The following OR2G6 variants were observed in gnomAD, a reference collection of about 807,000 sequenced individuals.
The protein encoded by OR2G6 is olfactory receptor 2G6.
For missense variants in OR2G6, 457 were observed against 391.3 expected, an observed-to-expected ratio of 1.17 and a Z score of -1.42; for synonymous variants, 183 against 155.2, an observed-to-expected ratio of 1.18 and a Z score of -1.33.
rs1664295515 is a variant in OR2G6 at position 248,521,903 on chromosome 1, A to C, written c.257A>C (p.Asn86Thr). The C allele has an allele frequency of 1.2e-6, 2 of 1,614,122 alleles. No homozygotes were observed. Among genetic ancestry groups the C allele is most frequent in the Non-Finnish European group, 1.7e-6 (2 of 1,180,030 alleles). The change falls in exon 2 of 2, where the codon AAT becomes ACT. Residue 86 changes from asparagine (N) to threonine (T), a missense_variant. Asn to Thr is a moderately conservative substitution (Grantham distance 65). Coordinates refer to ENST00000641804, the MANE Select transcript of OR2G6 (RefSeq NM_001013355.2). ...GCCCCACAGTTGCTGGTTACCATGA[A>C]TAAGAAAGACAAAACCATGAGCTAC... ...SVAPQLLVTM[N>T]KKDKTMSYGG... is the part of the protein sequence containing the mutation.
chr1:248,520,402 C>T (rs927296595), intron 1 of OR2G6, among the ~76,000 whole-genome samples: 1 of 151,726 alleles, frequency 6.6e-6, no homozygotes, highest in Non-Finnish European at 1.5e-5. Context: ...TGCACATGTA[C>T]CCTAGAACTT....
rs1664348017 is a variant in OR2G6 at position 248,524,046 on chromosome 1, TGCCTCA to T, written c.*1454_*1459del. ...ACCTCCTGGGTTTAAGTGATCCCTC[TGCCTCA>T]GCCTTCCAACATTCAGATTTATAAT... On this transcript the variant is annotated 3_prime_UTR_variant, in exon 2 of 2. Coordinates refer to ENST00000641804, the MANE Select transcript of OR2G6 (RefSeq NM_001013355.2). 1 of 152,264 alleles carries T rather than the reference TGCCTCA, an allele frequency of 6.6e-6. No individual in the cohort carries two copies. Among genetic ancestry groups the T allele is most frequent in the African/African-American group, 2.4e-5 (1 of 41,458 alleles). The allele number at this position is 152,264 out of a possible 1,614,324, so 9.4% of individuals were successfully genotyped here. A position where few individuals can be genotyped will look rare whatever the true frequency, so the allele number is the denominator to read the frequency against.
At chr1:248,508,911 G>T (rs1182500303) in intron 1 of OR2G6, among the ~76,000 whole-genome samples, 1 of 128,614 alleles carries the variant, frequency 7.8e-6, no homozygotes, top group African/African-American at 3.3e-5. Flanking sequence ...ACATTATACT[G>T]TAGAGAAGAC....
chr1:248,520,621 C>A (rs1664262965), intron 1 of OR2G6, among the ~76,000 whole-genome samples: 1 of 152,046 alleles, frequency 6.6e-6, no homozygotes, highest in East Asian at 1.9e-4. Flanking sequence ...GCCTGTAACC[C>A]CAGCACTTTG....
chr1:248,524,680 T>C lies in OR2G6; in HGVS notation c.*2083T>C, dbSNP rs1450586379. ...AACACAATATGTAGAAAAACCTACA[T>C]ATGAATTGTGAAGCAACCATTTTCA... On this transcript the variant is annotated 3_prime_UTR_variant, in exon 2 of 2. Coordinates refer to ENST00000641804, the MANE Select transcript of OR2G6 (RefSeq NM_001013355.2). The C allele has an allele frequency of 2.0e-5, 3 of 152,220 alleles. No homozygotes were observed. The highest frequency in any genetic ancestry group is 4.4e-5 in the Non-Finnish European group (3 of 68,044). The allele number at this position is 152,220 out of a possible 1,614,324, so 9.4% of individuals were successfully genotyped here.
Position 248,526,988 on chromosome 1 carries a change from T to C in OR2G6, c.*4391T>C, listed in dbSNP as rs1383396755. On this transcript the variant is annotated 3_prime_UTR_variant, in exon 2 of 2. Transcript: ENST00000641804. ...TTTCTTTTGCTGTGCAGAAGCTCTT[T>C]AGTTTAATTAGATCCCATTTGTCAA... is the stretch of plus-strand genomic sequence containing the variant. 6.6e-6 allele frequency: 1 copy of C among 152,146 alleles called. No homozygotes were observed. Among genetic ancestry groups the C allele is most frequent in the Non-Finnish European group, 1.5e-5 (1 of 68,012 alleles). 9.4% of individuals were successfully genotyped at this position (152,146 alleles called of 1,614,324 possible).
Position 248,522,326 on chromosome 1 carries a change from G to C in OR2G6, c.680G>C (p.Arg227Thr). ...GGCTTTATCACTCAAGCTGTGTTAA[G>C]GATAAAATCAGCTGCGGGCCGCCAA... Reference protein sequence around the residue: ...SYGFITQAVLRIKSAAGRQKA... With the variant: ...SYGFITQAVLTIKSAAGRQKA... The change falls in exon 2 of 2, where the codon AGG becomes ACG. Residue 227 changes from arginine (R) to threonine (T), a missense_variant. Physicochemically the swap from Arg to Thr is moderately conservative, Grantham distance 71. Transcript: ENST00000641804. 1.2e-6 allele frequency: 2 copies of C among 1,614,172 alleles called. No homozygotes were observed. Among genetic ancestry groups the C allele is most frequent in the African/African-American group, 1.3e-5 (1 of 75,036 alleles).
chr1:248,523,099 A>ACG lies in OR2G6; in HGVS notation c.*502_*503insCG. The stretch of plus-strand genomic sequence containing the variant: ...TAACTGTTTCATAATATGTTTCCAT[A>ACG]GCACTTGATCCACACTACCATTTCT... On this transcript the variant is annotated 3_prime_UTR_variant, in exon 2 of 2. Transcript: ENST00000641804. 11 of 156,262 alleles carry ACG rather than the reference A, an allele frequency of 7.0e-5. No homozygotes were observed. The highest frequency in any genetic ancestry group is 2.0e-4 in the South Asian group (1 of 5,082). 9.7% of individuals were successfully genotyped at this position (156,262 alleles called of 1,614,324 possible).
intron 1 of OR2G6, among the ~76,000 whole-genome samples, chr1:248,521,388 A>G (rs1299937915): frequency 3.3e-5 from 5 of 152,206 alleles, no homozygotes; most frequent in Admixed American, 1.3e-4. Flanking sequence ...AATATCAAAT[A>G]AAACAAATGT....
At chr1:248,520,761 C>T (rs1373075245) in intron 1 of OR2G6, among the ~76,000 whole-genome samples, 3 of 151,802 alleles carry the variant, frequency 2.0e-5, no homozygotes, top group Non-Finnish European at 4.4e-5. Flanking sequence ...ATAATCCCAG[C>T]ACTTTGGGAG....
At chr1:248,520,000 A>G (rs1309343857) in intron 1 of OR2G6, among the ~76,000 whole-genome samples, 2 of 152,170 alleles carry the variant, frequency 1.3e-5, no homozygotes, top group Non-Finnish European at 2.9e-5. Context: ...CACTATTCAC[A>G]ACAGCAAAGA....
rs1572067716 is a variant in OR2G6, at chr1:248,521,897, C to T, written c.251C>T (p.Thr84Ile). The change falls in exon 2 of 2, where the codon ACC (threonine) becomes ATC (isoleucine). Residue 84 changes from threonine to isoleucine, a missense_variant. Transcript: ENST00000641804. ...AGTGTTGCCCCACAGTTGCTGGTTA[C>T]CATGAATAAGAAAGACAAAACCATG... ...TTSVAPQLLV[T>I]MNKKDKTMSY... 6.2e-7 allele frequency: 1 copy of T among 1,614,150 alleles called. No individual in the cohort carries two copies. The highest frequency in any genetic ancestry group is 2.2e-5 in the East Asian group (1 of 44,876).
In OR2G6 at chr1:248,525,532, TC is replaced by T. The variant is rs1162897244; in HGVS notation, c.*2936del. The stretch of plus-strand genomic sequence containing the variant: ...AACAAAAACCATATAGGACCACAGC[TC>T]AGAGAAGAAAAATGGGAGGCACTTA... On this transcript the variant is annotated 3_prime_UTR_variant, in exon 2 of 2. Transcript: ENST00000641804. The T allele has an allele frequency of 2.6e-5, 4 of 152,040 alleles. No homozygotes were observed. Among genetic ancestry groups the T allele is most frequent in the Admixed American group, 6.6e-5 (1 of 15,258 alleles). 9.4% of individuals were successfully genotyped at this position (152,040 alleles called of 1,614,324 possible).
chr1:248,519,666 C>T (rs113562118), intron 1 of OR2G6, among the ~76,000 whole-genome samples: 1 of 151,926 alleles, frequency 6.6e-6, no homozygotes, highest in African/African-American at 2.4e-5. Context: ...ATTTCCGAGG[C>T]CTCTGTTCTG....
intron 1 of OR2G6, among the ~76,000 whole-genome samples, chr1:248,521,178 A>T (rs1476891466): frequency 6.6e-6 from 1 of 151,972 alleles, no homozygotes; most frequent in African/African-American, 2.4e-5. Flanking sequence ...AACAGAGATC[A>T]CGGCACTGTA....
At chr1:248,521,409 C>G (rs1558371780) in intron 1 of OR2G6, among the ~76,000 whole-genome samples, 1 of 152,024 alleles carries the variant, frequency 6.6e-6, no homozygotes, top group Non-Finnish European at 1.5e-5. Context: ...TAATACAATA[C>G]TTTTGTTGTT....
In OR2G6 at chr1:248,521,591, C is replaced by G; in HGVS notation, c.-36-20C>G. 8.0e-7 allele frequency: 1 copy of G among 1,255,490 alleles called. No individual in the cohort carries two copies. Among genetic ancestry groups the G allele is most frequent in the Non-Finnish European group, 1.1e-6 (1 of 880,812 alleles). 77.8% of individuals were successfully genotyped at this position (1,255,490 alleles called of 1,614,324 possible). On this transcript the variant is annotated intron_variant, in intron 1 of 1. Coordinates refer to ENST00000641804, the MANE Select transcript of OR2G6 (RefSeq NM_001013355.2). ...ATTCTTGACCTCATTACTTTCTATC[C>G]CCAAATATTAATCACTTAGTATTTG...
chr1:248,525,443 TAA>T lies in OR2G6; in HGVS notation c.*2849_*2850del, dbSNP rs533582435. 92 of 149,560 alleles carry T rather than the reference TAA, an allele frequency of 6.2e-4. 1 individual carries two copies. Among genetic ancestry groups the T allele is most frequent in the African/African-American group, 2.2e-3 (89 of 39,842 alleles). 9.3% of individuals were successfully genotyped at this position (149,560 alleles called of 1,614,324 possible). A position where few individuals can be genotyped will look rare whatever the true frequency, so the allele number is the denominator to read the frequency against. On this transcript the variant is annotated 3_prime_UTR_variant, in exon 2 of 2. Coordinates refer to ENST00000641804, the MANE Select transcript of OR2G6 (RefSeq NM_001013355.2). ...CACTCCAAACACCATGAATTTTTTT[TAA>T]AAGATATTTTTAAGAAAAAATAAAA...
chr1:248,521,536 T>A, intron 1 of OR2G6, 75 bp from the exon 2 acceptor site: 1 of 759,484 alleles, frequency 1.3e-6, no homozygotes, highest in Non-Finnish European at 2.2e-6. Context: ...ATAAGGAAGA[T>A]AATTATACTG....
Sources: gnomAD v4.1 joint callset for allele counts (sites outside exome capture counted in the v4.1 genomes callset) on GRCh38, gnomAD v4.1.1 for gene constraint, MANE v1.5 for transcripts, NCBI Gene and HGNC (gene_info 2026-07-23, HGNC 2026-07-21) for gene names.